The following CAMTA1 variants were observed in gnomAD, a reference collection of about 807,000 sequenced individuals.
The protein encoded by CAMTA1 is calmodulin binding transcription activator 1.
A neutral mutation model predicts 170.9 loss-of-function variants in CAMTA1; 27 were observed. That is an observed-to-expected ratio of 0.16 (90% CI 0.12 to 0.22). The LOEUF (loss-of-function observed/expected upper bound fraction) is 0.22. CAMTA1 is among the 10% of genes least tolerant of loss of function. The probability of loss-of-function intolerance (pLI) is 1.00; values close to 1 mark genes in which losing one functional copy is unlikely to be tolerated. For missense variants in CAMTA1, 1,619 were observed against 2,217.2 expected, an observed-to-expected ratio of 0.73 and a Z score of 5.42; for synonymous variants, 833 against 891.5, an observed-to-expected ratio of 0.93 and a Z score of 1.17.
At chr1:7,278,015 G>A (rs1203058460) in intron 5 of CAMTA1, among the ~76,000 whole-genome samples, 3 of 152,278 alleles carry the variant, frequency 2.0e-5, no homozygotes, top group African/African-American at 7.2e-5. Context: ...TATTTGAGGA[G>A]TTACTAGGTA....
chr1:7,295,804 G>A (rs1451481527), intron 5 of CAMTA1, among the ~76,000 whole-genome samples: 1 of 152,186 alleles, frequency 6.6e-6, no homozygotes, highest in African/African-American at 2.4e-5. Flanking sequence ...AGAAAATAGA[G>A]CAGGGTGTAT....
At chr1:7,469,569 C>G (rs2093289401) in intron 6 of CAMTA1, among the ~76,000 whole-genome samples, 1 of 152,222 alleles carries the variant, frequency 6.6e-6, no homozygotes, top group African/African-American at 2.4e-5. Context: ...TTTCATGCCC[C>G]CTGGTCAGAA....
intron 3 of CAMTA1, among the ~76,000 whole-genome samples, chr1:6,980,139 G>C (rs1012313594): frequency 2.0e-5 from 3 of 152,208 alleles, no homozygotes; most frequent in African/African-American, 7.2e-5. Context: ...GCACTTACTG[G>C]AGAAGCTGTG....
intron 5 of CAMTA1, among the ~76,000 whole-genome samples, chr1:7,390,546 C>T (rs2088583438): frequency 6.6e-6 from 1 of 152,224 alleles, no homozygotes; most frequent in African/African-American, 2.4e-5. Flanking sequence ...CTCTCTGGGC[C>T]TCAGTTTCCT....
intron 7 of CAMTA1, among the ~76,000 whole-genome samples, chr1:7,656,103 C>A (rs1271895296): frequency 6.6e-6 from 1 of 152,234 alleles, no homozygotes; most frequent in Non-Finnish European, 1.5e-5. Flanking sequence ...GACTTCCCAG[C>A]CTCCAAAACT....
chr1:6,843,674 T>G lies in CAMTA1; in HGVS notation c.234+18464T>G, dbSNP rs1309084894. ...TTAGTATTTTTAGTAGAGGCAGGGTTTCACCATGTTGGCCAGGCTGGTCTC... is the reference window on the plus strand; with the variant it reads ...TTAGTATTTTTAGTAGAGGCAGGGTGTCACCATGTTGGCCAGGCTGGTCTC... On this transcript the variant is annotated intron_variant, in intron 3 of 22. Transcript: ENST00000303635. 4.6e-5 allele frequency among the ~76,000 whole-genome samples: 7 copies of G among 152,190 alleles called. No homozygotes were observed. In the East Asian group the frequency reaches 1.3e-3, roughly 29 times the overall value.
chr1:7,731,336 GGCCGA>G (rs1320941939), intron 11 of CAMTA1, among the ~76,000 whole-genome samples: 2 of 152,044 alleles, frequency 1.3e-5, no homozygotes, highest in African/African-American at 4.8e-5. Context: ...CAGTTTGGGA[GGCCGA>G]GGTGGGCAGA....
chr1:7,050,691 G>A lies in CAMTA1; in HGVS notation c.235-40613G>A, dbSNP rs1706195352. On this transcript the variant is annotated intron_variant, in intron 3 of 22. Transcript: ENST00000303635. This position sits in a 1 kb window ranked among gnomAD's most constrained non-coding sequence, Gnocchi z 4.8. ...TCTTAGGTGAGGGACTCCAATTTGT[G>A]GAGGCAATGGTGGGGGTAGGGTGGG... is the stretch of plus-strand genomic sequence containing the variant. 6.6e-6 allele frequency among the ~76,000 whole-genome samples: 1 copy of A among 152,152 alleles called. No individual in the cohort carries two copies. Among genetic ancestry groups the A allele is most frequent in the African/African-American group, 2.4e-5 (1 of 41,418 alleles).
chr1:7,602,102 T>A (rs2095450198), intron 6 of CAMTA1, among the ~76,000 whole-genome samples: 1 of 122,246 alleles, frequency 8.2e-6, no homozygotes, highest in African/African-American at 3.9e-5. Context: ...CTTCCTTCCT[T>A]CCTTCCTTCC....
intron 3 of CAMTA1, among the ~76,000 whole-genome samples, chr1:6,861,885 G>A (rs959488425): frequency 6.6e-6 from 1 of 151,628 alleles, no homozygotes; most frequent in African/African-American, 2.4e-5. Flanking sequence ...CTCGCCCCCG[G>A]CAACCACCCT....
In CAMTA1 at chr1:7,003,197, C is replaced by T. The variant is rs576426359; in HGVS notation, c.235-88107C>T. Among the ~76,000 whole-genome samples, 3 of 152,306 alleles carry T rather than the reference C, an allele frequency of 2.0e-5. No individual in the cohort carries two copies. In the South Asian group the frequency reaches 6.2e-4, roughly 32 times the overall value. On this transcript the variant is annotated intron_variant, in intron 3 of 22. Transcript: ENST00000303635. Reference sequence around the variant, plus strand: ...CATTGCCAATCTGGGGGCAAAATTGCCCCTGGTTGCAAACCACTGGTCTAA... The same window carrying T: ...CATTGCCAATCTGGGGGCAAAATTGTCCCTGGTTGCAAACCACTGGTCTAA...
intron 4 of CAMTA1, among the ~76,000 whole-genome samples, chr1:7,130,805 A>G (rs1240209885): frequency 1.3e-5 from 2 of 152,252 alleles, no homozygotes; most frequent in African/African-American, 4.8e-5. Flanking sequence ...CTCTTCTGCA[A>G]TGAAGTACAT....
intron 3 of CAMTA1, among the ~76,000 whole-genome samples, chr1:7,013,835 C>T (rs1245211426): frequency 6.6e-6 from 1 of 152,178 alleles, no homozygotes; most frequent in Non-Finnish European, 1.5e-5. Context: ...GCCTCCACTC[C>T]TCAAGGCCTC....
chr1:7,170,658 G>A (rs1296133274), intron 4 of CAMTA1, among the ~76,000 whole-genome samples: 2 of 152,110 alleles, frequency 1.3e-5, no homozygotes, highest in Admixed American at 1.3e-4. Context: ...TGTTTTATAT[G>A]GCTGCGTAGT....
At chr1:7,336,819 C>T (rs1431239011) in intron 5 of CAMTA1, among the ~76,000 whole-genome samples, 1 of 152,180 alleles carries the variant, frequency 6.6e-6, no homozygotes, top group Non-Finnish European at 1.5e-5. Context: ...AGAGCTCTCT[C>T]GGGGCCAGCA....
At chr1:7,659,921 C>T (rs2095939972) in intron 7 of CAMTA1, among the ~76,000 whole-genome samples, 1 of 152,188 alleles carries the variant, frequency 6.6e-6, no homozygotes, top group Non-Finnish European at 1.5e-5. Flanking sequence ...GAAACTGAGG[C>T]TCAGAGAGGC....
chr1:6,933,007 A>T (rs1684668789), intron 3 of CAMTA1, among the ~76,000 whole-genome samples: 1 of 151,908 alleles, frequency 6.6e-6, no homozygotes, highest in African/African-American at 2.4e-5. Context: ...CAGTTTTTTT[A>T]AATCTTTTTT....
chr1:7,752,412 G>T (rs1282175204), intron 20 of CAMTA1, 47 bp from the exon 21 acceptor site: 23 of 1,540,386 alleles, frequency 1.5e-5, no homozygotes, highest in Non-Finnish European at 2.0e-5. Flanking sequence ...TTCCATATTG[G>T]GCTTTACTGT....
At chr1:6,905,477 G>T (rs867606021) in intron 3 of CAMTA1, among the ~76,000 whole-genome samples, 5 of 152,048 alleles carry the variant, frequency 3.3e-5, no homozygotes, top group Non-Finnish European at 7.4e-5. Flanking sequence ...TTACAGGCGC[G>T]AGCCACTATG....
Sources: allele counts gnomAD v4.1 joint callset (sites outside exome capture counted in the v4.1 genomes callset), GRCh38; gene constraint gnomAD v4.1.1; non-coding constraint Gnocchi (gnomAD v3.1); transcripts MANE v1.5; gene names NCBI Gene and HGNC (gene_info 2026-07-23, HGNC 2026-07-21).